DHX29: variants seen among roughly 807,000 people sequenced by gnomAD.
The protein encoded by DHX29 is ATP-dependent RNA helicase DHX29.
Under a neutral mutation model 167.9 loss-of-function variants are expected in DHX29, and 79 were observed. The observed-to-expected ratio is 0.47, with a 90% CI of 0.39 to 0.57. The LOEUF is 0.57. Ranked by LOEUF, DHX29 falls within the 20% of genes least tolerant of loss-of-function variation. The pLI is 0.00. For synonymous variants in DHX29, 530 were observed against 546.0 expected, an observed-to-expected ratio of 0.97 and a Z score of 0.41; for missense variants, 1,347 against 1,593.4, an observed-to-expected ratio of 0.85 and a Z score of 2.63.
At chr5:55,297,526 A>T in intron 2 of DHX29, 128 bp from the exon 3 acceptor site, 1 of 606,710 alleles carries the variant, frequency 1.6e-6, no homozygotes, top group Non-Finnish European at 2.9e-6. Context: ...TACAGTAATT[A>T]TCATTTTTTG....
intron 18 of DHX29, among the ~76,000 whole-genome samples, chr5:55,271,007 T>C (rs987342782): frequency 6.6e-6 from 1 of 152,242 alleles, no homozygotes; most frequent in African/African-American, 2.4e-5. Context: ...GTGACGATAA[T>C]TTTTGAAATA....
At chr5:55,275,775 G>GTA (rs1747080502) in intron 14 of DHX29, among the ~76,000 whole-genome samples, 3 of 140,962 alleles carry the variant, frequency 2.1e-5, no homozygotes, top group Non-Finnish European at 1.6e-5. Context: ...GTATGTATGT[G>GTA]TGTGTGTCTG....
chr5:55,299,269 T>A (rs571850745), intron 1 of DHX29, among the ~76,000 whole-genome samples: 1 of 152,306 alleles, frequency 6.6e-6, no homozygotes, highest in South Asian at 2.1e-4. Context: ...AGTCAGATGC[T>A]TTTCTCCTGG....
chr5:55,285,171 G>A (rs1417692076), intron 10 of DHX29, 122 bp downstream of exon 10: 1 of 1,421,654 alleles, frequency 7.0e-7, no homozygotes. Flanking sequence ...GGGTTGAAAG[G>A]AAGCCAAATT....
chr5:55,287,898 G>A (rs925745364), intron 8 of DHX29, among the ~76,000 whole-genome samples: 39 of 148,136 alleles, frequency 2.6e-4, no homozygotes, highest in African/African-American at 9.0e-4. Context: ...GCAGTGAACC[G>A]AGATTGTGCT....
chr5:55,290,709 G>A (rs1402135455), intron 6 of DHX29, among the ~76,000 whole-genome samples: 1 of 152,158 alleles, frequency 6.6e-6, no homozygotes, highest in Non-Finnish European at 1.5e-5. Flanking sequence ...AAAAAGTAGA[G>A]CTCATTTCTA....
At chr5:55,287,189 C>G (rs1561158971) in intron 8 of DHX29, among the ~76,000 whole-genome samples, 1 of 152,194 alleles carries the variant, frequency 6.6e-6, no homozygotes, top group South Asian at 2.1e-4. Context: ...CACCGGTAAT[C>G]CCAACACTCT....
In DHX29 at chr5:55,278,609, G is replaced by T. The variant is rs529655728; in HGVS notation, c.2110-1327C>A. 2.0e-5 allele frequency among the ~76,000 whole-genome samples: 3 copies of T among 152,298 alleles called. No individual in the cohort carries two copies. The East Asian group carries it at 5.8e-4, about 29-fold the overall frequency. ...GTTTTCAGTGCAGTAAGAAGATACT[G>T]TATAGGATGGTTTGAAATTATATTT... is the stretch of plus-strand genomic sequence containing the variant. On this transcript the variant is annotated intron_variant, in intron 12 of 26. Transcript: ENST00000251636.
intron 6 of DHX29, among the ~76,000 whole-genome samples, chr5:55,291,443 C>G (rs142626969): frequency 3.0e-4 from 45 of 152,280 alleles, no homozygotes; most frequent in African/African-American, 1.1e-3. Context: ...TAATACTTAT[C>G]CTTTCCATCT....
chr5:55,265,011 T>C (rs1374824107), intron 23 of DHX29, among the ~76,000 whole-genome samples: 6 of 151,926 alleles, frequency 3.9e-5, no homozygotes, highest in Admixed American at 1.3e-4. Flanking sequence ...CAGTGGGAAA[T>C]TTTGTAATGG....
At chr5:55,269,671 A>C (rs1254641804) in intron 20 of DHX29, 34 bp from the exon 21 acceptor site, 1 of 1,554,940 alleles carries the variant, frequency 6.4e-7, no homozygotes, top group Admixed American at 1.7e-5. Context: ...ATTGGTATGA[A>C]ATCAAAGAAT....
intron 23 of DHX29, 67 bp downstream of exon 23, chr5:55,267,071 C>A: frequency 9.3e-7 from 1 of 1,070,964 alleles, no homozygotes; most frequent in Non-Finnish European, 1.4e-6. Context: ...CCTAGGCATT[C>A]TTTTTTCCAG....
chr5:55,266,093 G>A (rs1018197827), intron 23 of DHX29, among the ~76,000 whole-genome samples: 1 of 151,602 alleles, frequency 6.6e-6, no homozygotes, highest in Non-Finnish European at 1.5e-5. Flanking sequence ...TCTGCCTCCC[G>A]GGTGCAAGCA....
In DHX29 at chr5:55,289,323, G is replaced by A. The variant is rs751444845; in HGVS notation, c.1013C>T (p.Ala338Val). The A allele has an allele frequency of 1.9e-6, 3 of 1,590,142 alleles. No homozygotes were observed. The highest frequency in any genetic ancestry group is 1.2e-5 in the South Asian group (1 of 85,808). Residue 338 changes from alanine to valine, a missense_variant, in exon 8 of 27, where the codon GCA becomes GTA. Coordinates refer to ENST00000251636, the MANE Select transcript of DHX29 (RefSeq NM_019030.4). ...TTTTTCAAATAAATTAAAATTCAAT[G>A]CACTTTCTCCTTCTGTGGCTACAGG... ...KPPVATEGES[A>V]LNFNLFEKSA...
intron 6 of DHX29, among the ~76,000 whole-genome samples, chr5:55,293,647 TA>T (rs1160680005): frequency 6.6e-6 from 1 of 152,200 alleles, no homozygotes; most frequent in Non-Finnish European, 1.5e-5. Context: ...TTTGACTTAG[TA>T]TATTTTCTGC....
chr5:55,273,760 T>G (rs1182851201), intron 16 of DHX29, among the ~76,000 whole-genome samples: 1 of 152,080 alleles, frequency 6.6e-6, no homozygotes, highest in Non-Finnish European at 1.5e-5. Flanking sequence ...ATCTTACTTT[T>G]TAACCACAGG....
chr5:55,287,705 T>G (rs959675465), intron 8 of DHX29, among the ~76,000 whole-genome samples: 1 of 151,916 alleles, frequency 6.6e-6, no homozygotes, highest in Admixed American at 6.6e-5. Context: ...TCCCAGCACT[T>G]TGGGAGGCCA....
chr5:55,288,016 G>C (rs192040266), intron 8 of DHX29, among the ~76,000 whole-genome samples: 3 of 151,218 alleles, frequency 2.0e-5, no homozygotes, highest in African/African-American at 7.3e-5. Flanking sequence ...GCCAAGGTGG[G>C]CAGATCACCT....
chr5:55,260,072 G>A, intron 25 of DHX29, 128 bp from the exon 26 acceptor site: 2 of 500,336 alleles, frequency 4.0e-6, no homozygotes, highest in Non-Finnish European at 3.7e-6. Flanking sequence ...AAACACAATG[G>A]GAAAAATACA....
Sources: gnomAD v4.1 joint callset for allele counts (sites outside exome capture counted in the v4.1 genomes callset) on GRCh38, gnomAD v4.1.1 for gene constraint, MANE v1.5 for transcripts, NCBI Gene and HGNC (gene_info 2026-07-23, HGNC 2026-07-21) for gene names.